The following PCNX1 variants were observed in gnomAD, a reference collection of about 807,000 sequenced individuals.
The protein encoded by PCNX1 is pecanex-like protein 1.
Under a neutral mutation model 242.2 loss-of-function variants are expected in PCNX1, and 78 were observed. The ratio of observed to expected loss-of-function variants is 0.32; its 90% CI spans 0.27 to 0.39. The LOEUF (loss-of-function observed/expected upper bound fraction) is 0.39, where lower values mean the gene tolerates loss of function less well. Ranked by LOEUF, PCNX1 falls within the 10% of genes least tolerant of loss-of-function variation. PCNX1 has a pLI of 1.00. For synonymous variants in PCNX1, 1,024 were observed against 1,032.9 expected, an observed-to-expected ratio of 0.99 and a Z score of 0.17; for missense variants, 2,581 against 2,856.5, an observed-to-expected ratio of 0.90 and a Z score of 2.20.
intron 24 of PCNX1, 99 bp from the exon 25 acceptor site, chr14:71,055,405 C>T: frequency 1.4e-6 from 1 of 697,490 alleles, no homozygotes; most frequent in Non-Finnish European, 2.5e-6. Context: ...AAAGTGATAA[C>T]CTTTATTTTA....
chr14:71,057,790 C>A, intron 26 of PCNX1, 66 bp downstream of exon 26: 1 of 1,052,394 alleles, frequency 9.5e-7, no homozygotes, highest in Non-Finnish European at 1.4e-6. Flanking sequence ...TTACATGTTT[C>A]TATCTCAAAC....
intron 22 of PCNX1, 94 bp downstream of exon 22, chr14:71,048,078 A>G (rs1245196302): frequency 1.2e-6 from 1 of 844,190 alleles, no homozygotes; most frequent in East Asian, 2.5e-5. Context: ...CATGTGATTT[A>G]TTATTGTTTA....
At chr14:71,054,337 A>G (rs2061123045) in intron 24 of PCNX1, among the ~76,000 whole-genome samples, 1 of 152,224 alleles carries the variant, frequency 6.6e-6, no homozygotes, top group Admixed American at 6.5e-5. Flanking sequence ...TCACTGAGTA[A>G]TGTAGATTTT....
chr14:70,980,839 C>T (rs1370545656), intron 6 of PCNX1, among the ~76,000 whole-genome samples: 1 of 152,098 alleles, frequency 6.6e-6, no homozygotes, highest in African/African-American at 2.4e-5. Flanking sequence ...CATCATGTTA[C>T]TGCTTGGCCA....
At chr14:70,979,654 G>C (rs1004734993) in intron 6 of PCNX1, among the ~76,000 whole-genome samples, 3 of 152,038 alleles carry the variant, frequency 2.0e-5, no homozygotes, top group African/African-American at 7.2e-5. Flanking sequence ...TAAAAGTTAA[G>C]CTGGATTTTG....
chr14:71,105,120 CTT>C, intron 32 of PCNX1, 113 bp from the exon 33 acceptor site: 3 of 756,666 alleles, frequency 4.0e-6, no homozygotes, highest in Middle Eastern at 2.8e-4. Flanking sequence ...ACCATAAAGA[CTT>C]TAAAAGGTGA....
At chr14:71,034,079 A>C (rs1260992779) in intron 18 of PCNX1, 43 bp downstream of exon 18, 1 of 1,040,632 alleles carries the variant, frequency 9.6e-7, no homozygotes, top group South Asian at 1.4e-5. Context: ...CTTAAATCTT[A>C]GACAGTTGAT....
intron 30 of PCNX1, 139 bp from the exon 31 acceptor site, chr14:71,101,851 A>G (rs1198122336): frequency 1.2e-5 from 6 of 496,168 alleles, no homozygotes; most frequent in East Asian, 1.0e-4. Flanking sequence ...CTGAGAATCT[A>G]TAATTTATCT....
intron 23 of PCNX1, among the ~76,000 whole-genome samples, chr14:71,051,627 T>C (rs1176031201): frequency 6.6e-6 from 1 of 152,162 alleles, no homozygotes; most frequent in East Asian, 1.9e-4. Context: ...GATTAATATA[T>C]GAATTTTACC....
chr14:71,090,884 C>T (rs1342819286), intron 30 of PCNX1, among the ~76,000 whole-genome samples: 1 of 152,212 alleles, frequency 6.6e-6, no homozygotes, highest in Non-Finnish European at 1.5e-5. Context: ...CCTAGTCTCT[C>T]CTTACAGGAC....
intron 3 of PCNX1, among the ~76,000 whole-genome samples, 153 bp from the exon 4 acceptor site, chr14:70,968,045 G>A (rs2058434122): frequency 6.6e-6 from 1 of 152,168 alleles, no homozygotes; most frequent in Non-Finnish European, 1.5e-5. Context: ...GGCTCCAATA[G>A]AGCTTGTCCA....
At chr14:71,092,756 G>A (rs533655474) in intron 30 of PCNX1, 2 of 152,286 alleles carry the variant, frequency 1.3e-5, no homozygotes, top group South Asian at 4.1e-4. Flanking sequence ...TTATGATCGG[G>A]ACTGTCTTTA....
At chr14:70,999,886 AT>A in intron 8 of PCNX1, among the ~76,000 whole-genome samples, 1 of 152,290 alleles carries the variant, frequency 6.6e-6, no homozygotes, top group Middle Eastern at 3.4e-3. Context: ...CTACTCTAGC[AT>A]TTTGGGCTAT....
chr14:71,035,320 A>G (rs2060498494), intron 18 of PCNX1, among the ~76,000 whole-genome samples: 1 of 152,230 alleles, frequency 6.6e-6, no homozygotes, highest in South Asian at 2.1e-4. Flanking sequence ...TCTTCATTCT[A>G]AAAGACTTTA....
intron 6 of PCNX1, among the ~76,000 whole-genome samples, chr14:70,987,667 G>C (rs540237932): frequency 7.2e-5 from 11 of 152,202 alleles, no homozygotes; most frequent in African/African-American, 2.4e-4. Context: ...TATTTAAATG[G>C]ATGAAAATCA....
At chr14:70,932,426 C>A (rs1268706551) in intron 1 of PCNX1, among the ~76,000 whole-genome samples, 2 of 151,910 alleles carry the variant, frequency 1.3e-5, no homozygotes, top group African/African-American at 2.4e-5. Flanking sequence ...ATTTTTCTTA[C>A]AATTAATCTA....
At chr14:70,926,442 C>T (rs948567661) in intron 1 of PCNX1, among the ~76,000 whole-genome samples, 3 of 152,100 alleles carry the variant, frequency 2.0e-5, no homozygotes, top group African/African-American at 7.2e-5. Context: ...TACTGTAGCC[C>T]TTATGAATAT....
chr14:70,995,956 C>G (rs1446488817), intron 8 of PCNX1, 31 bp downstream of exon 8: 1 of 1,550,358 alleles, frequency 6.5e-7, no homozygotes, highest in South Asian at 1.1e-5. Flanking sequence ...CTTGATGATA[C>G]AAAAACTTTA....
rs569214509 is a variant in PCNX1 at position 71,114,261 on chromosome 14, TTATC to T, written c.*4332_*4335del. ...TTAAAAAGCCAATCGTTTTCTCCAT[TTATC>T]TATCTTTTTTGTTTGTTTTTAATTT... On this transcript the variant is annotated 3_prime_UTR_variant, in exon 36 of 36. Transcript: ENST00000304743. 8 of 152,210 alleles carry T rather than the reference TTATC, an allele frequency of 5.3e-5. No homozygotes were observed. Among genetic ancestry groups the T allele is most frequent in the African/African-American group, 1.9e-4 (8 of 41,458 alleles). 9.4% of individuals were successfully genotyped at this position (152,210 alleles called of 1,614,324 possible).
Sources: allele counts gnomAD v4.1 joint callset (sites outside exome capture counted in the v4.1 genomes callset), GRCh38; gene constraint gnomAD v4.1.1; transcripts MANE v1.5; gene names NCBI Gene and HGNC (gene_info 2026-07-23, HGNC 2026-07-21).